APOL3: variants seen among roughly 807,000 people sequenced by gnomAD.
The protein encoded by APOL3 is TNF-inducible protein CG12-1.
APOL3 carries 14 observed loss-of-function variants against 11.6 expected under a neutral mutation model. The ratio of observed to expected loss-of-function variants is 1.21; its 90% CI spans 0.80 to 1.89. The LOEUF is 1.89. APOL3 is among the 40% of genes most tolerant of loss of function. The pLI, the probability that APOL3 is intolerant of heterozygous loss-of-function variation, is 0.00. For synonymous variants in APOL3, 192 were observed against 190.6 expected (o/e 1.01, Z -0.06); for missense variants, 483 against 492.1 (o/e 0.98, Z 0.17).
intron 1 of APOL3, among the ~76,000 whole-genome samples, chr22:36,155,307 G>A (rs1314622119): frequency 6.6e-6 from 1 of 152,156 alleles, no homozygotes; most frequent in Non-Finnish European, 1.5e-5. Context: ...GCTGGTCTTT[G>A]CTCCCAGACT....
intron 1 of APOL3, 98 bp from the exon 3 acceptor site, chr22:36,145,697 C>T: frequency 6.8e-7 from 1 of 1,472,382 alleles, no homozygotes; most frequent in Non-Finnish European, 9.2e-7. Flanking sequence ...CCTCAACCAG[C>T]TGTCACATGG....
intron 2 of APOL3, 42 bp downstream of exon 3, chr22:36,145,431 C>A: frequency 1.2e-6 from 2 of 1,607,440 alleles, no homozygotes; most frequent in Non-Finnish European, 1.7e-6. Context: ...ATCAGGATGG[C>A]ATAGCCGGGG....
chr22:36,160,176 C>T (rs1245933460), intron 1 of APOL3, among the ~76,000 whole-genome samples: 1 of 152,174 alleles, frequency 6.6e-6, no homozygotes, highest in East Asian at 1.9e-4. Flanking sequence ...AGCCACCGCG[C>T]CCAGCCAGGT....
At chr22:36,158,739 A>T (rs1284561738) in intron 1 of APOL3, among the ~76,000 whole-genome samples, 1 of 152,000 alleles carries the variant, frequency 6.6e-6, no homozygotes, top group Non-Finnish European at 1.5e-5. Context: ...AATCACTTGA[A>T]CCCAGGAGGC....
At chr22:36,160,916 C>T (rs916334) in exon 1 of APOL3, 638,387 of 1,603,524 alleles carry the variant, frequency 0.4, 139,134 homozygotes, top group East Asian at 0.87. Flanking sequence ...CACCCTTGGT[C>T]CCACCCTCCT....
rs747343204 is a variant in APOL3, at chr22:36,149,192, A to G, written c.224-3593T>C. ...GGGACTGAATGTGAGCCACCTGTGG[A>G]CAGAGGGAGGTTGGAGGGGCTGGAT... is the stretch of plus-strand genomic sequence containing the variant. On this transcript the variant is annotated intron_variant, in intron 1 of 2. Transcript: ENST00000349314. 5 of 1,330,324 alleles carry G rather than the reference A, an allele frequency of 3.8e-6. No homozygotes were observed. The East Asian group carries it at 2.5e-4, about 68-fold the overall frequency. The allele number at this position is 1,330,324 out of a possible 1,614,324, so 82.4% of individuals were successfully genotyped here.
exon 3 of APOL3, chr22:36,140,843 T>C (rs2059958394): frequency 4.6e-6 from 1 of 217,752 alleles, no homozygotes; most frequent in Non-Finnish European, 9.0e-6. Context: ...TTCGGCTTTC[T>C]GCATTTTCAG....
intron 2 of APOL3, among the ~76,000 whole-genome samples, chr22:36,143,774 T>C (rs1039327530): frequency 2.6e-5 from 4 of 152,246 alleles, no homozygotes; most frequent in African/African-American, 9.6e-5. Flanking sequence ...AACTAATGCC[T>C]TAGCAGGTGA....
chr22:36,156,308 G>A (rs1284000174), intron 1 of APOL3, among the ~76,000 whole-genome samples: 3 of 152,060 alleles, frequency 2.0e-5, no homozygotes, highest in Non-Finnish European at 4.4e-5. Context: ...TGCTGCCCAG[G>A]CTTGTCCTGA....
intron 1 of APOL3, among the ~76,000 whole-genome samples, chr22:36,147,280 T>A (rs1416503681): frequency 1.3e-5 from 2 of 152,162 alleles, no homozygotes; most frequent in Non-Finnish European, 2.9e-5. Context: ...GAGGGGGTTC[T>A]TTAGGCGGGC....
chr22:36,158,898 G>A (rs2013340177), intron 1 of APOL3, among the ~76,000 whole-genome samples: 1 of 152,116 alleles, frequency 6.6e-6, no homozygotes, highest in Non-Finnish European at 1.5e-5. Flanking sequence ...GACCCTTCGA[G>A]GCCACGACAC....
At chr22:36,142,451 G>A (rs2060033071) in intron 2 of APOL3, among the ~76,000 whole-genome samples, 1 of 152,182 alleles carries the variant, frequency 6.6e-6, no homozygotes, top group Admixed American at 6.5e-5. Flanking sequence ...GAGGATCATA[G>A]AACAGTGAAG....
chr22:36,146,831 C>A (rs367942518), intron 1 of APOL3, among the ~76,000 whole-genome samples: 1 of 152,050 alleles, frequency 6.6e-6, no homozygotes, highest in Non-Finnish European at 1.5e-5. Context: ...AGGATTACTG[C>A]CCAGATGAGT....
chr22:36,154,227 G>C (rs1308160964), intron 1 of APOL3, among the ~76,000 whole-genome samples: 1 of 152,178 alleles, frequency 6.6e-6, no homozygotes, highest in Non-Finnish European at 1.5e-5. Flanking sequence ...AAGAGCCCTG[G>C]CTGAGGAGGA....
chr22:36,154,267 T>A (rs1175120497), intron 1 of APOL3, among the ~76,000 whole-genome samples: 1 of 152,222 alleles, frequency 6.6e-6, no homozygotes, highest in Non-Finnish European at 1.5e-5. Context: ...AGGCTTAGAA[T>A]CTTACTTTTG....
rs192521423 is a variant in APOL3 at position 36,140,753 on chromosome 22, A to C, written c.*447T>G. On this transcript the variant is annotated 3_prime_UTR_variant, in exon 3 of 3. Coordinates refer to ENST00000349314, the Ensembl canonical transcript of APOL3. ...GGGACCATCACCAGGGAAAGACTTCATTCTTGGAAGGACATCGAACCGGGG... is the reference window on the plus strand; with the variant it reads ...GGGACCATCACCAGGGAAAGACTTCCTTCTTGGAAGGACATCGAACCGGGG... The C allele has an allele frequency of 3.0e-3, 489 of 161,258 alleles. 4 individuals carry two copies. The highest frequency in any genetic ancestry group is 0.01 in the African/African-American group (427 of 41,636). The allele number at this position is 161,258 out of a possible 1,614,324, so 10.0% of individuals were successfully genotyped here.
chr22:36,141,616 C>T (rs753539228), exon 3 of APOL3: 2 of 1,614,172 alleles, frequency 1.2e-6, no homozygotes, highest in Non-Finnish European at 1.7e-6. Flanking sequence ...TCCTTAAATA[C>T]CTTCAATCGG....
Position 36,149,143 on chromosome 22 carries a change from C to G in APOL3, c.224-3544G>C. 1 of 1,366,178 alleles carries G rather than the reference C, an allele frequency of 7.3e-7. No homozygotes were observed. Among genetic ancestry groups the G allele is most frequent in the Non-Finnish European group, 9.8e-7 (1 of 1,021,170 alleles). The allele number at this position is 1,366,178 out of a possible 1,614,324, so 84.6% of individuals were successfully genotyped here. ...GAAGGGTTCGTTTTTTTTCTTAACC[C>G]TTGAGGAGGAGAAAGCAAATTGTGG... is the stretch of plus-strand genomic sequence containing the variant. On this transcript the variant is annotated intron_variant, in intron 1 of 2. Transcript: ENST00000349314.
At chr22:36,149,459 G>T (rs974817619) in intron 1 of APOL3, 9 of 1,176,362 alleles carry the variant, frequency 7.7e-6, no homozygotes, top group Non-Finnish European at 8.0e-6. Context: ...CCGAAATAGA[G>T]ATGGGAAGGA....
Sources: allele counts gnomAD v4.1 joint callset (sites outside exome capture counted in the v4.1 genomes callset), GRCh38; gene constraint gnomAD v4.1.1; transcripts MANE v1.5; gene names NCBI Gene and HGNC (gene_info 2026-07-23, HGNC 2026-07-21).